Variants in ZNF821 observed in about 807,000 individuals in gnomAD.
ZNF821 encodes zinc finger protein 821.
Under a neutral mutation model 44.3 loss-of-function variants are expected in ZNF821, and 16 were observed. That is an observed-to-expected ratio of 0.36 (90% CI 0.24 to 0.55). The LOEUF (loss-of-function observed/expected upper bound fraction) is 0.55, where lower values mean the gene tolerates loss of function less well. Ranked by LOEUF, ZNF821 falls within the 20% of genes least tolerant of loss-of-function variation. ZNF821 has a pLI of 0.86. For missense variants in ZNF821, 436 were observed against 547.6 expected (o/e 0.80, Z 2.03); for synonymous variants, 204 against 197.6 (o/e 1.03, Z -0.27).
At position 71,867,990 on chromosome 16, in the gene ZNF821, T is replaced by C; in HGVS notation, c.88A>G (p.Met30Val). The change falls in exon 4 of 8, where the codon ATG becomes GTG. Residue 30 changes from methionine (M) to valine (V), a missense_variant. Met to Val is a conservative substitution (Grantham distance 21). Around this residue, in one of 5 missense-constraint regions of ZNF821, gnomAD observed 238 missense variants for 281.4 expected, o/e 0.85. Coordinates refer to ENST00000425432, the MANE Select transcript of ZNF821 (RefSeq NM_001201552.2). ...GLEEQARQAM[M>V]KTDFPGDLGS... Reference sequence around the variant, plus strand: ...AGGTCTCCAGGAAAATCAGTTTTCATCATCGCCTGGCGGGCTTGCTCTTCT... The same window carrying C: ...AGGTCTCCAGGAAAATCAGTTTTCACCATCGCCTGGCGGGCTTGCTCTTCT... The C allele has an allele frequency of 6.5e-7, 1 of 1,536,026 alleles. No individual in the cohort carries two copies. Among genetic ancestry groups the C allele is most frequent in the Non-Finnish European group, 8.7e-7 (1 of 1,146,850 alleles).
At chr16:71,862,590 A>G (rs770236009) in intron 6 of ZNF821, among the ~76,000 whole-genome samples, 6 of 152,244 alleles carry the variant, frequency 3.9e-5, no homozygotes, top group Non-Finnish European at 8.8e-5. Flanking sequence ...CACACTGTGC[A>G]GGTACAAATT....
chr16:71,867,849 A>G, intron 4 of ZNF821, 63 bp downstream of exon 4: 1 of 1,520,348 alleles, frequency 6.6e-7, no homozygotes, highest in Non-Finnish European at 8.8e-7. Flanking sequence ...TCCCCAGAGC[A>G]CACACACTCT....
intron 1 of ZNF821, among the ~76,000 whole-genome samples, chr16:71,892,897 T>A (rs1417420181): frequency 6.6e-6 from 1 of 151,354 alleles, no homozygotes; most frequent in African/African-American, 2.4e-5. Flanking sequence ...GCCCTGCTAA[T>A]TTTTTATATT....
intron 3 of ZNF821, among the ~76,000 whole-genome samples, chr16:71,874,671 C>A (rs1292591339): frequency 1.3e-5 from 2 of 152,100 alleles, no homozygotes; most frequent in African/African-American, 4.8e-5. Flanking sequence ...CCAGGCTGGT[C>A]TTGAATTCCT....
chr16:71,889,081 C>T (rs1210615721), upstream of ZNF821, among the ~76,000 whole-genome samples: 1 of 151,714 alleles, frequency 6.6e-6, no homozygotes, highest in African/African-American at 2.4e-5. Flanking sequence ...CCTGTCTCTA[C>T]AAAAATGTTT....
chr16:71,881,684 T>TA (rs2036435217), intron 2 of ZNF821: 1 of 152,166 alleles, frequency 6.6e-6, no homozygotes, highest in Admixed American at 6.5e-5. Flanking sequence ...TTAATATTTT[T>TA]AAAAATATGG....
At chr16:71,884,415 C>G (rs1464649735), upstream of ZNF821, among the ~76,000 whole-genome samples, 3 of 152,060 alleles carry the variant, frequency 2.0e-5, no homozygotes, top group East Asian at 5.8e-4. Flanking sequence ...CTTTCTCTGG[C>G]TGTCTCAGCC....
upstream of ZNF821, chr16:71,885,195 A>T (rs2036803118): frequency 6.6e-6 from 1 of 152,554 alleles, no homozygotes; most frequent in South Asian, 2.1e-4. Flanking sequence ...CCTCCTGTCC[A>T]CGTCCTTCTC....
rs778624976 is a variant in ZNF821 at position 71,860,259 on chromosome 16, T to C, written c.998A>G (p.Asn333Ser). Reference protein sequence around the residue: ...DREAMRLKRANETPEKRQARL... With the variant: ...DREAMRLKRASETPEKRQARL... Reference sequence around the variant, plus strand: ...GGCCTGCCGCTTTTCCGGGGTTTCATTGGCCCGCTTCAGCCTCATGGCCTC... The same window carrying C: ...GGCCTGCCGCTTTTCCGGGGTTTCACTGGCCCGCTTCAGCCTCATGGCCTC... The change falls in exon 8 of 8, where the codon AAT becomes AGT. Residue 333 changes from asparagine to serine, a missense_variant. By Grantham distance (46) the Asn-to-Ser change is conservative (BLOSUM62 1). Transcript: ENST00000425432. This position sits in a 1 kb window ranked among gnomAD's most constrained non-coding sequence, Gnocchi z 7.3. The C allele has an allele frequency of 3.1e-6, 5 of 1,614,132 alleles. 1 individual carries two copies. The highest frequency in any genetic ancestry group is 1.3e-5 in the African/African-American group (1 of 75,072).
intron 3 of ZNF821, 96 bp downstream of exon 3, chr16:71,879,811 C>T (rs2036239334): frequency 8.4e-7 from 1 of 1,184,930 alleles, no homozygotes; most frequent in African/African-American, 1.6e-5. Context: ...TTTTCTTCTT[C>T]ACAAATTAGC....
intron 1 of ZNF821, chr16:71,894,066 C>T (rs975677615): frequency 1.3e-5 from 2 of 152,162 alleles, no homozygotes; most frequent in African/African-American, 4.8e-5. Context: ...AGGCATGTGC[C>T]ACCGCGCCTG....
At chr16:71,867,457 T>C (rs1010897181) in intron 4 of ZNF821, among the ~76,000 whole-genome samples, 3 of 152,030 alleles carry the variant, frequency 2.0e-5, no homozygotes, top group Non-Finnish European at 2.9e-5. Flanking sequence ...GAGGCCGAGG[T>C]GAGTGGATCG....
chr16:71,893,029 C>CTGTTTTTTTTTT (rs2036898859), intron 1 of ZNF821, among the ~76,000 whole-genome samples: 1 of 65,908 alleles, frequency 1.5e-5, no homozygotes, highest in Non-Finnish European at 2.6e-5. Context: ...CCCTGCCTGG[C>CTGTTTTTTTTTT]TTTTTTTTTT....
chr16:71,876,897 G>C (rs2035882816), intron 3 of ZNF821, among the ~76,000 whole-genome samples: 1 of 152,148 alleles, frequency 6.6e-6, no homozygotes, highest in African/African-American at 2.4e-5. Flanking sequence ...GAGCCACCGA[G>C]CTCGGCTAAA....
chr16:71,861,629 T>C (rs1390203868), intron 7 of ZNF821, 147 bp downstream of exon 7: 12 of 880,056 alleles, frequency 1.4e-5, no homozygotes, highest in Non-Finnish European at 1.9e-5. Context: ...AATAGGCATA[T>C]TTCCTAGCCT....
At chr16:71,893,464 CTTTT>C (rs763296785) in intron 1 of ZNF821, among the ~76,000 whole-genome samples, 8 of 141,332 alleles carry the variant, frequency 5.7e-5, no homozygotes, top group Non-Finnish European at 9.3e-5. Context: ...GCCTGGCCCA[CTTTT>C]TTTTTTTTTG....
intron 2 of ZNF821, 26 bp from the exon 3 acceptor site, chr16:71,880,049 C>T: frequency 1.8e-6 from 2 of 1,111,154 alleles, no homozygotes; most frequent in South Asian, 1.7e-5. Flanking sequence ...TTATTGTTAG[C>T]ACATGTCATT....
upstream of ZNF821, among the ~76,000 whole-genome samples, chr16:71,887,413 C>A (rs866676949): frequency 3.6e-4 from 55 of 152,212 alleles, no homozygotes; most frequent in African/African-American, 1.1e-3. Flanking sequence ...GTGCCCGCCA[C>A]CACGCCCGGC....
chr16:71,862,980 G>A (rs950968255), intron 6 of ZNF821, among the ~76,000 whole-genome samples: 5 of 151,976 alleles, frequency 3.3e-5, no homozygotes, highest in East Asian at 1.9e-4. Flanking sequence ...TGCAGCCTCC[G>A]CCTCCCAGGT....
Sources: gnomAD v4.1 joint callset for allele counts (sites outside exome capture counted in the v4.1 genomes callset) on GRCh38, gnomAD v4.1.1 for gene constraint, gnomAD v4.1.1 regional missense constraint, Gnocchi (gnomAD v3.1) non-coding constraint, MANE v1.5 for transcripts, NCBI Gene and HGNC (gene_info 2026-07-23, HGNC 2026-07-21) for gene names.